DAOA: variants seen among roughly 807,000 people sequenced by gnomAD.
DAOA encodes the protein D-amino acid oxidase activator.
Under a neutral mutation model 16.4 loss-of-function variants are expected in DAOA, and 15 were observed. That is an observed-to-expected ratio of 0.91 (90% CI 0.61 to 1.41). The LOEUF is 1.41. Ranked by LOEUF, DAOA falls within the 40% of genes most tolerant of loss-of-function variation. The pLI is 0.00. For missense variants in DAOA, 230 were observed against 176.8 expected, an observed-to-expected ratio of 1.30 and a Z score of -1.71; for synonymous variants, 75 against 59.1, an observed-to-expected ratio of 1.27 and a Z score of -1.23.
chr13:105,466,324 G>A lies in DAOA; in HGVS notation c.36G>A (p.Gln12=). 1.2e-6 allele frequency: 2 copies of A among 1,614,070 alleles called. No homozygotes were observed. The highest frequency in any genetic ancestry group is 4.5e-5 in the East Asian group (2 of 44,876). The change falls in exon 2 of 6, where the codon CAG becomes CAA. Residue 12 remains glutamine, a synonymous_variant. Transcript: ENST00000375936. The part of the protein sequence containing the change: ...LEKLMGADSL[Q]LFRSRYTLGK... ...AGCTGATGGGTGCTGATTCTCTCCA[G>A]CTTTTCAGGTAGGTAGCTTGGGGTT...
chr13:105,472,108 G>C (rs1539070), intron 3 of DAOA, among the ~76,000 whole-genome samples: 123,262 of 152,174 alleles, frequency 0.81, 50,167 homozygotes, highest in East Asian at 1. Context: ...CTTCCCAACA[G>C]TCACACAGGG....
At chr13:105,472,391 G>A (rs557030423) in intron 3 of DAOA, 147 bp from the exon 4 acceptor site, 1 of 1,074,106 alleles carries the variant, frequency 9.3e-7, no homozygotes, top group South Asian at 1.9e-5. Flanking sequence ...GAGTCTCTGA[G>A]GGAATTTTGT....
At chr13:105,476,559 T>C (rs1455716064) in intron 4 of DAOA, among the ~76,000 whole-genome samples, 4 of 150,250 alleles carry the variant, frequency 2.7e-5, no homozygotes, top group Non-Finnish European at 3.0e-5. Flanking sequence ...TCCACAGGCC[T>C]AATTCTCCCT....
chr13:105,485,656 T>C (rs1026829860), intron 4 of DAOA, among the ~76,000 whole-genome samples: 6 of 152,152 alleles, frequency 3.9e-5, no homozygotes, highest in African/African-American at 1.4e-4. Flanking sequence ...AATGAGGTCA[T>C]TAGAGTGGCT....
At chr13:105,466,188 A>G (rs565796321) in intron 1 of DAOA, 28 bp from the exon 2 acceptor site, 209 of 1,564,130 alleles carry the variant, frequency 1.3e-4, no homozygotes, top group Non-Finnish European at 1.7e-4. Flanking sequence ...AAAGCTTACT[A>G]GTGTATATGA....
intron 4 of DAOA, among the ~76,000 whole-genome samples, chr13:105,477,767 T>C (rs1278470515): frequency 5.3e-5 from 8 of 152,110 alleles, no homozygotes; most frequent in Non-Finnish European, 1.2e-4. Flanking sequence ...AAAAACATGA[T>C]TTGTGAGATA....
At position 105,489,955 on chromosome 13, in the gene DAOA, G is replaced by A. The variant is rs1878401416; in HGVS notation, c.336G>A (p.Glu112=). The A allele has an allele frequency of 1.2e-6, 2 of 1,613,640 alleles. No individual in the cohort carries two copies. The highest frequency in any genetic ancestry group is 2.7e-5 in the African/African-American group (2 of 74,868). ...VGKVFMARNY[E]FLAYEASKDR... is the part of the protein sequence containing the mutation. The stretch of plus-strand genomic sequence containing the variant: ...AAGTCTTCATGGCAAGAAACTATGA[G>A]TTCCTTGCCTATGAGGCCTCTAAGG... Residue 112 remains glutamate, a synonymous_variant, in exon 5 of 6, where the codon GAG becomes GAA. Transcript: ENST00000375936.
chr13:105,478,675 A>C (rs935455032), intron 4 of DAOA, among the ~76,000 whole-genome samples: 1 of 152,142 alleles, frequency 6.6e-6, no homozygotes, highest in Non-Finnish European at 1.5e-5. Context: ...ATCTTGCTTT[A>C]TTTCTGAGCA....
At chr13:105,472,401 T>A in intron 3 of DAOA, 137 bp from the exon 4 acceptor site, 2 of 1,244,466 alleles carry the variant, frequency 1.6e-6, no homozygotes, top group Non-Finnish European at 1.1e-6. Context: ...GGGAATTTTG[T>A]CTTAACCAAA....
chr13:105,466,317 C>T lies in DAOA; in HGVS notation c.29C>T (p.Ser10Phe). The change falls in exon 2 of 6, where the codon TCT becomes TTT. Residue 10 changes from serine to phenylalanine, a missense_variant. By Grantham distance (155) the Ser-to-Phe change is radical. Transcript: ENST00000375936. Reference sequence around the variant, plus strand: ...CTGGAAAAGCTGATGGGTGCTGATTCTCTCCAGCTTTTCAGGTAGGTAGCT... The same window carrying T: ...CTGGAAAAGCTGATGGGTGCTGATTTTCTCCAGCTTTTCAGGTAGGTAGCT... The part of the protein sequence containing the change: MLEKLMGAD[S>F]LQLFRSRYTL... The T allele has an allele frequency of 6.2e-7, 1 of 1,614,072 alleles. No individual in the cohort carries two copies. Among genetic ancestry groups the T allele is most frequent in the South Asian group, 1.1e-5 (1 of 91,062 alleles).
intron 4 of DAOA, chr13:105,477,175 G>C (rs9519683): frequency 0.31 from 47,496 of 151,946 alleles, 7,570 homozygotes; most frequent in Non-Finnish European, 0.34. Flanking sequence ...AGATGGAAAT[G>C]AAAACCATCC....
chr13:105,474,939 T>G, intron 4 of DAOA: 1 of 794,380 alleles, frequency 1.3e-6, no homozygotes. Flanking sequence ...AGATTGTATT[T>G]CCCGTTCTGA....
At chr13:105,470,692 C>CT (rs1876867963) in intron 3 of DAOA, among the ~76,000 whole-genome samples, 1 of 152,162 alleles carries the variant, frequency 6.6e-6, no homozygotes, top group South Asian at 2.1e-4. Context: ...TCACTGCAAC[C>CT]TCTGCGTCCT....
intron 4 of DAOA, among the ~76,000 whole-genome samples, chr13:105,475,721 T>G (rs1877281365): frequency 6.6e-6 from 1 of 152,190 alleles, no homozygotes; most frequent in Admixed American, 6.5e-5. Context: ...CTGGGTGATT[T>G]AGGGTGAAGA....
chr13:105,485,947 A>G (rs1047800666), intron 4 of DAOA, among the ~76,000 whole-genome samples: 2 of 152,138 alleles, frequency 1.3e-5, no homozygotes, highest in Non-Finnish European at 2.9e-5. Flanking sequence ...TACTCCATTC[A>G]CAGTTCTCTG....
intron 4 of DAOA, among the ~76,000 whole-genome samples, chr13:105,480,322 C>A (rs188157594): frequency 6.6e-6 from 1 of 151,954 alleles, no homozygotes; most frequent in East Asian, 1.9e-4. Flanking sequence ...CAATATTTTA[C>A]CTTTTCTGGC....
chr13:105,466,723 T>C (rs1191477442), intron 2 of DAOA, among the ~76,000 whole-genome samples: 1 of 152,022 alleles, frequency 6.6e-6, no homozygotes, highest in East Asian at 1.9e-4. Flanking sequence ...GGGATAACTT[T>C]GTGCTTATTT....
chr13:105,473,156 A>AGTGTGT (rs10691575), intron 4 of DAOA, among the ~76,000 whole-genome samples: 3 of 149,186 alleles, frequency 2.0e-5, no homozygotes, highest in East Asian at 2.0e-4. Flanking sequence ...CCTACGTGAG[A>AGTGTGT]GTGTGTGTGT....
chr13:105,474,077 C>T (rs1318188622), intron 4 of DAOA, among the ~76,000 whole-genome samples: 2 of 151,824 alleles, frequency 1.3e-5, no homozygotes, highest in African/African-American at 4.8e-5. Flanking sequence ...TTTATTTATC[C>T]GTGTTGAATA....
Sources: allele counts gnomAD v4.1 joint callset (sites outside exome capture counted in the v4.1 genomes callset), GRCh38; gene constraint gnomAD v4.1.1; transcripts MANE v1.5; gene names NCBI Gene and HGNC (gene_info 2026-07-23, HGNC 2026-07-21).